The following DDRGK1 variants were observed in gnomAD, a reference collection of about 807,000 sequenced individuals.
The protein encoded by DDRGK1 is DDRGK domain-containing protein 1.
In DDRGK1, 38 loss-of-function variants were observed where a neutral mutation model predicts 45.8. That is an observed-to-expected ratio of 0.83 (90% CI 0.64 to 1.09). The LOEUF (loss-of-function observed/expected upper bound fraction) is 1.09, where lower values mean the gene tolerates loss of function less well. DDRGK1 is among the 50% of genes least tolerant of loss of function. The pLI is 0.00. For synonymous variants in DDRGK1, 171 were observed against 168.7 expected (o/e 1.01, Z -0.11); for missense variants, 403 against 419.9 (o/e 0.96, Z 0.35).
At chr20:3,198,843 T>C (rs1247969987) in intron 4 of DDRGK1, among the ~76,000 whole-genome samples, 5 of 135,992 alleles carry the variant, frequency 3.7e-5, no homozygotes, top group African/African-American at 1.4e-4. Flanking sequence ...AAAAAACAAA[T>C]AAAATATGAA....
At chr20:3,200,844 C>T (rs914721230) in intron 2 of DDRGK1, among the ~76,000 whole-genome samples, 3 of 152,174 alleles carry the variant, frequency 2.0e-5, no homozygotes, top group East Asian at 1.9e-4. Flanking sequence ...GGCACGGTGG[C>T]TCATGCCTGT....
At chr20:3,197,483 C>T (rs952520576) in intron 4 of DDRGK1, among the ~76,000 whole-genome samples, 17 of 152,128 alleles carry the variant, frequency 1.1e-4, no homozygotes, top group African/African-American at 3.6e-4. Context: ...ACAAGTGAAG[C>T]GGATAACTTG....
At chr20:3,199,586 A>G (rs1028719873) in intron 4 of DDRGK1, among the ~76,000 whole-genome samples, 1 of 152,206 alleles carries the variant, frequency 6.6e-6, no homozygotes, top group African/African-American at 2.4e-5. Flanking sequence ...TCACTACTGC[A>G]GTGGACCCCA....
At chr20:3,203,646 C>T (rs992343757) in intron 1 of DDRGK1, among the ~76,000 whole-genome samples, 4 of 152,266 alleles carry the variant, frequency 2.6e-5, no homozygotes, top group Non-Finnish European at 5.9e-5. Flanking sequence ...CCTCTCCCCT[C>T]CCGGCTCCAC....
At chr20:3,197,498 T>C (rs1285848320) in intron 4 of DDRGK1, among the ~76,000 whole-genome samples, 5 of 152,190 alleles carry the variant, frequency 3.3e-5, no homozygotes, top group African/African-American at 1.2e-4. Flanking sequence ...AACTTGCATA[T>C]TTGGTATGTT....
At position 3,200,388 on chromosome 20, in the gene DDRGK1, T is replaced by A; in HGVS notation, c.362A>T (p.Lys121Ile). 1 of 1,582,320 alleles carries A rather than the reference T, an allele frequency of 6.3e-7. No homozygotes were observed. Residue 121 changes from lysine (K) to isoleucine (I), a missense_variant, in exon 3 of 9, where the codon AAA becomes ATA. Coordinates refer to ENST00000354488, the MANE Select transcript of DDRGK1 (RefSeq NM_023935.3). Reference protein sequence around the residue: ...THLSGKIGAKKLRKLEEKQAR... With the variant: ...THLSGKIGAKILRKLEEKQAR... ...TTGTTTCTCCTCCAGCTTCCGCAGTTTCTTAGCTCCAATTTTCCCCGACAG... is the reference window on the plus strand; with the variant it reads ...TTGTTTCTCCTCCAGCTTCCGCAGTATCTTAGCTCCAATTTTCCCCGACAG...
chr20:3,190,733 C>T lies in DDRGK1; in HGVS notation c.865G>A (p.Val289Met), dbSNP rs760049574. The T allele has an allele frequency of 6.2e-7, 1 of 1,614,054 alleles. No individual in the cohort carries two copies. The highest frequency in any genetic ancestry group is 1.3e-5 in the African/African-American group (1 of 74,938). ...GCTTGGGCAAGCTCGGCGATGGACA[C>T]CCGGCCCCGCTGTCGGATGAAGTTG... Reference protein sequence around the residue: ...VANFIRQRGRVSIAELAQASN... With the variant: ...VANFIRQRGRMSIAELAQASN... The change falls in exon 9 of 9, where the codon GTG (valine) becomes ATG (methionine). Residue 289 changes from valine to methionine, a missense_variant. Val to Met is a conservative substitution (Grantham distance 21). Coordinates refer to ENST00000354488, the MANE Select transcript of DDRGK1 (RefSeq NM_023935.3).
At position 3,191,972 on chromosome 20, in the gene DDRGK1, G is replaced by GACACACACAC. The variant is rs150309651; in HGVS notation, c.673-161_673-152dup. ...TCCTGTAGGACAGCCTTGCTCCCCT[G>GACACACACAC]ACACACACACACACACACACACACA... On this transcript the variant is annotated intron_variant, in intron 6 of 8. Transcript: ENST00000354488. The GACACACACAC allele has an allele frequency of 9.1e-3, 5,128 of 561,728 alleles. 45 individuals carry two copies. The East Asian group carries it at 0.096, about 11-fold the overall frequency. 34.8% of individuals were successfully genotyped at this position (561,728 alleles called of 1,614,324 possible).
At position 3,190,571 on chromosome 20, in the gene DDRGK1, T is replaced by C; in HGVS notation, c.*82A>G. Reference sequence around the variant, plus strand: ...TATAACTGCCTGGCCACACCATCACTTCCCCAGGATGGTGGGGAGGGATGA... The same window carrying C: ...TATAACTGCCTGGCCACACCATCACCTCCCCAGGATGGTGGGGAGGGATGA... On this transcript the variant is annotated 3_prime_UTR_variant, in exon 9 of 9. Transcript: ENST00000354488. 1 of 1,515,102 alleles carries C rather than the reference T, an allele frequency of 6.6e-7. No individual in the cohort carries two copies. Among genetic ancestry groups the C allele is most frequent in the South Asian group, 1.2e-5 (1 of 83,546 alleles). The allele number at this position is 1,515,102 out of a possible 1,614,324, so 93.9% of individuals were successfully genotyped here. A position where few individuals can be genotyped will look rare whatever the true frequency, so the allele number is the denominator to read the frequency against.
At chr20:3,195,444 C>A in intron 4 of DDRGK1, 91 bp from the exon 5 acceptor site, 1 of 1,482,992 alleles carries the variant, frequency 6.7e-7, no homozygotes, top group Non-Finnish European at 8.9e-7. Context: ...GACACCAGAG[C>A]ATATAGCCCA....
chr20:3,195,916 T>C (rs2067008112), intron 4 of DDRGK1, among the ~76,000 whole-genome samples: 1 of 152,046 alleles, frequency 6.6e-6, no homozygotes, highest in South Asian at 2.1e-4. Context: ...TTTCCTCCCT[T>C]GGCTTCCAGA....
chr20:3,204,425 C>T (rs1184573047), intron 1 of DDRGK1, 112 bp downstream of exon 1: 36 of 1,106,624 alleles, frequency 3.3e-5, no homozygotes, highest in Admixed American at 7.2e-5. Context: ...GACGCGCATG[C>T]GTCCCGCCCG....
chr20:3,194,801 C>CA (rs1370481652), intron 6 of DDRGK1, 29 bp downstream of exon 6: 1 of 1,614,048 alleles, frequency 6.2e-7, no homozygotes, highest in Admixed American at 1.7e-5. Flanking sequence ...AGGGAGCTGA[C>CA]ACTCAGGCTC....
chr20:3,194,721 C>T, intron 6 of DDRGK1, 109 bp downstream of exon 6: 1 of 1,440,248 alleles, frequency 6.9e-7, no homozygotes, highest in Non-Finnish European at 9.6e-7. Flanking sequence ...CCCCCCTGTC[C>T]ACTCCTGCAT....
intron 4 of DDRGK1, among the ~76,000 whole-genome samples, chr20:3,197,547 C>A (rs1191410506): frequency 6.6e-6 from 1 of 152,204 alleles, no homozygotes; most frequent in East Asian, 1.9e-4. Flanking sequence ...CTTCTTCAGT[C>A]AGATCCATAA....
chr20:3,202,049 G>A (rs533795572), intron 2 of DDRGK1, among the ~76,000 whole-genome samples: 60 of 150,304 alleles, frequency 4.0e-4, no homozygotes, highest in African/African-American at 1.4e-3. Context: ...GCGCGATCTC[G>A]GCTCACTGCA....
chr20:3,200,234 C>A, intron 3 of DDRGK1, 108 bp downstream of exon 3: 1 of 1,440,676 alleles, frequency 6.9e-7, no homozygotes, highest in Non-Finnish European at 9.4e-7. Context: ...GCCAGGGAAG[C>A]AGCAAACACC....
intron 6 of DDRGK1, among the ~76,000 whole-genome samples, chr20:3,192,931 GT>G (rs1471832010): frequency 6.6e-6 from 1 of 152,198 alleles, no homozygotes; most frequent in Non-Finnish European, 1.5e-5. Context: ...ACAAAGTGAC[GT>G]GGTCAGCTGG....
intron 4 of DDRGK1, among the ~76,000 whole-genome samples, chr20:3,197,482 G>A (rs1028166845): frequency 3.3e-5 from 5 of 152,174 alleles, no homozygotes; most frequent in African/African-American, 1.2e-4. Flanking sequence ...GACAAGTGAA[G>A]CGGATAACTT....
Sources: gnomAD v4.1 joint callset for allele counts (sites outside exome capture counted in the v4.1 genomes callset) on GRCh38, gnomAD v4.1.1 for gene constraint, MANE v1.5 for transcripts, NCBI Gene and HGNC (gene_info 2026-07-23, HGNC 2026-07-21) for gene names.